ADCY7: variants seen among roughly 807,000 people sequenced by gnomAD.
The protein encoded by ADCY7 is adenylate cyclase type 7.
ADCY7 carries 72 observed loss-of-function variants against 120.6 expected under a neutral mutation model. The observed-to-expected ratio is 0.60, with a 90% CI of 0.49 to 0.73. The LOEUF (loss-of-function observed/expected upper bound fraction) is 0.73, where lower values mean the gene tolerates loss of function less well. Among genes scored for constraint, ADCY7 ranks in the 30% least tolerant of loss-of-function variants. ADCY7 has a pLI of 0.00. For missense variants in ADCY7, 1,227 were observed against 1,486.0 expected (o/e 0.83, Z 2.87); for synonymous variants, 661 against 628.0 (o/e 1.05, Z -0.78).
rs368081572 is a variant in ADCY7 at position 50,311,794 on chromosome 16, G to A, written c.2448+8G>A. On this transcript the variant is annotated splice_region_variant and intron_variant, in intron 20 of 25. Transcript: ENST00000673801. Reference sequence around the variant, plus strand: ...CTTACACTCTCCAGACAGGTAAGGAGGCTGGCCCCCCCCCCCCCCCCAAGC... The same window carrying A: ...CTTACACTCTCCAGACAGGTAAGGAAGCTGGCCCCCCCCCCCCCCCCAAGC... 1.9e-5 allele frequency: 29 copies of A among 1,498,724 alleles called. No individual in the cohort carries two copies. Among genetic ancestry groups the A allele is most frequent in the Non-Finnish European group, 2.4e-5 (26 of 1,103,098 alleles). The allele number at this position is 1,498,724 out of a possible 1,614,324, so 92.8% of individuals were successfully genotyped here.
chr16:50,288,329 C>T lies in ADCY7; in HGVS notation c.150C>T (p.Ile50=). Reference sequence around the variant, plus strand: ...CCGCCACTGCCTGCGTGGCCCTCATCATCATTGCCTTCAGCCAGGGGGTGA... The same window carrying T: ...CCGCCACTGCCTGCGTGGCCCTCATTATCATTGCCTTCAGCCAGGGGGTGA... ...LVAATACVAL[I]IIAFSQGDPS... is the part of the protein sequence containing the mutation. The change falls in exon 2 of 26, where the codon ATC becomes ATT. Residue 50 remains isoleucine (I), a synonymous_variant. Transcript: ENST00000673801. 6.5e-7 allele frequency: 1 copy of T among 1,549,552 alleles called. No homozygotes were observed. The highest frequency in any genetic ancestry group is 1.2e-5 in the South Asian group (1 of 83,942).
At chr16:50,265,942 T>A (rs796511925), upstream of ADCY7, among the ~76,000 whole-genome samples, 55 of 152,316 alleles carry the variant, frequency 3.6e-4, no homozygotes, top group African/African-American at 1.3e-3. Flanking sequence ...TGGGGTTTGA[T>A]TCCCAGCCTC....
At position 50,305,796 on chromosome 16, in the gene ADCY7, G is replaced by A. The variant is rs746976575; in HGVS notation, c.1699G>A (p.Asp567Asn). Residue 567 changes from aspartate (D) to asparagine (N), a missense_variant, in exon 14 of 26, where the codon GAT becomes AAT. This residue lies in a region of ADCY7 where 332 missense variants were observed against 455.8 expected (regional missense o/e 0.73). Transcript: ENST00000673801. ...CCACAGGCCCTGCTGCTCCAAGTCC[G>A]ATGACTTCTACACCTTTGGGTCCAT... ...SSTRPCCSKS[D>N]DFYTFGSIFL... 1.4e-5 allele frequency: 23 copies of A among 1,613,872 alleles called. No homozygotes were observed. Among genetic ancestry groups the A allele is most frequent in the South Asian group, 1.3e-4 (12 of 91,090 alleles).
intron 1 of ADCY7, among the ~76,000 whole-genome samples, chr16:50,273,419 C>G (rs766024830): frequency 2.0e-5 from 3 of 152,176 alleles, no homozygotes; most frequent in Non-Finnish European, 2.9e-5. Flanking sequence ...TGACAATCTG[C>G]CCTCCTCCTG....
intron 7 of ADCY7, among the ~76,000 whole-genome samples, chr16:50,295,345 ATTTTTTTTT>A (rs67137852): frequency 3.7e-3 from 303 of 82,740 alleles, no homozygotes; most frequent in East Asian, 8.7e-3. Flanking sequence ...CGCCTGGCTA[ATTTTTTTTT>A]TTTTTTTTTT....
intron 3 of ADCY7, 57 bp from the exon 4 acceptor site, chr16:50,291,679 G>T: frequency 6.2e-7 from 1 of 1,607,404 alleles, no homozygotes. Flanking sequence ...GGTTCCGGGG[G>T]CTGTACGGCC....
upstream of ADCY7, among the ~76,000 whole-genome samples, chr16:50,245,650 G>A (rs969307400): frequency 1.3e-5 from 2 of 152,124 alleles, no homozygotes; most frequent in African/African-American, 4.8e-5. Flanking sequence ...GTTAAGGCCT[G>A]AGTGAGACGT....
At chr16:50,247,821 A>AG (rs1182798337) in intron 1 of ADCY7, among the ~76,000 whole-genome samples, 4 of 152,124 alleles carry the variant, frequency 2.6e-5, no homozygotes, top group African/African-American at 9.7e-5. Flanking sequence ...CGGGATCCCC[A>AG]GGTGCTGGGT....
intron 10 of ADCY7, among the ~76,000 whole-genome samples, chr16:50,302,175 T>G (rs2151026489): frequency 6.9e-6 from 1 of 145,136 alleles, no homozygotes; most frequent in East Asian, 2.2e-4. Flanking sequence ...ACTACCAGGG[T>G]GGTGGCACCC....
chr16:50,304,681 C>T (rs1338634674), intron 11 of ADCY7, 130 bp downstream of exon 11: 12 of 1,081,320 alleles, frequency 1.1e-5, no homozygotes, highest in African/African-American at 1.6e-5. Context: ...AGCCTCTGCC[C>T]CACCTCCTGG....
intron 12 of ADCY7, among the ~76,000 whole-genome samples, chr16:50,305,249 G>A (rs1232412287): frequency 3.9e-5 from 6 of 152,200 alleles, no homozygotes; most frequent in Non-Finnish European, 7.4e-5. Flanking sequence ...TGCCAATCCC[G>A]GGGGTGTAGC....
At chr16:50,254,259 C>T (rs1465740006) in intron 1 of ADCY7, among the ~76,000 whole-genome samples, 5 of 152,210 alleles carry the variant, frequency 3.3e-5, no homozygotes, top group African/African-American at 9.6e-5. Flanking sequence ...CCCCTGCCTC[C>T]GCTTCCGCAG....
upstream of ADCY7, among the ~76,000 whole-genome samples, chr16:50,263,542 A>T (rs1222763140): frequency 1.3e-5 from 2 of 152,096 alleles, no homozygotes; most frequent in Admixed American, 1.3e-4. Context: ...GTTATCATAC[A>T]GCCTCTGCTG....
At chr16:50,304,039 T>C (rs1809512397) in intron 10 of ADCY7, among the ~76,000 whole-genome samples, 1 of 151,890 alleles carries the variant, frequency 6.6e-6, no homozygotes, top group African/African-American at 2.4e-5. Flanking sequence ...CCTGCCTCTC[T>C]CCCTGGGGAG....
chr16:50,261,798 T>C (rs575214952), upstream of ADCY7, among the ~76,000 whole-genome samples: 1 of 152,314 alleles, frequency 6.6e-6, no homozygotes, highest in South Asian at 2.1e-4. Context: ...CTCCTCTTCA[T>C]CCTGCCAGGA....
At chr16:50,291,060 C>A (rs1342624813) in intron 3 of ADCY7, among the ~76,000 whole-genome samples, 1 of 151,950 alleles carries the variant, frequency 6.6e-6, no homozygotes, top group Non-Finnish European at 1.5e-5. Flanking sequence ...CACAGCGGCT[C>A]CAGGCTGCCC....
At chr16:50,296,252 T>C (rs1296772977) in intron 7 of ADCY7, among the ~76,000 whole-genome samples, 2 of 152,070 alleles carry the variant, frequency 1.3e-5, no homozygotes, top group Non-Finnish European at 2.9e-5. Context: ...GGGGTTTTGC[T>C]ACATTGTCTA....
At chr16:50,247,053 A>T (rs565378929) in intron 1 of ADCY7, among the ~76,000 whole-genome samples, 3 of 150,536 alleles carry the variant, frequency 2.0e-5, no homozygotes, top group South Asian at 2.1e-4. Context: ...CAGAGATTGA[A>T]TGAATGAATG....
intron 1 of ADCY7, among the ~76,000 whole-genome samples, chr16:50,286,752 G>C (rs2034608312): frequency 6.6e-6 from 1 of 152,190 alleles, no homozygotes; most frequent in Non-Finnish European, 1.5e-5. Flanking sequence ...GACAGAGGTG[G>C]CTCCACTGAA....
Sources: allele counts gnomAD v4.1 joint callset (sites outside exome capture counted in the v4.1 genomes callset), GRCh38; gene constraint gnomAD v4.1.1; regional missense constraint gnomAD v4.1.1; transcripts MANE v1.5; gene names NCBI Gene and HGNC (gene_info 2026-07-23, HGNC 2026-07-21).